ERBB4: variants seen among roughly 807,000 people sequenced by gnomAD.
ERBB4 encodes erb-b2 receptor tyrosine kinase 4, also known as receptor tyrosine-protein kinase erbB-4.
Under a neutral mutation model 158.0 loss-of-function variants are expected in ERBB4, and 42 were observed. That is an observed-to-expected ratio of 0.27 (90% CI 0.21 to 0.34). ERBB4 has a LOEUF of 0.34. ERBB4 is among the 10% of genes least tolerant of loss of function. The probability of loss-of-function intolerance (pLI) is 1.00; values close to 1 mark genes in which losing one functional copy is unlikely to be tolerated. For missense variants in ERBB4, 1,333 were observed against 1,624.1 expected (o/e 0.82, Z 3.08); for synonymous variants, 583 against 558.7 (o/e 1.04, Z -0.61).
intron 1 of ERBB4, among the ~76,000 whole-genome samples, chr2:212,502,752 C>T (rs1690963164): frequency 6.6e-6 from 1 of 152,138 alleles, no homozygotes; most frequent in Non-Finnish European, 1.5e-5. Context: ...AAACTTTCCA[C>T]ATGCCACCTT....
intron 2 of ERBB4, among the ~76,000 whole-genome samples, chr2:211,965,193 C>T (rs1381279869): frequency 6.6e-6 from 1 of 152,146 alleles, no homozygotes; most frequent in Non-Finnish European, 1.5e-5. Context: ...GAGCTTTGTG[C>T]TTCAAGGGTA....
intron 3 of ERBB4, among the ~76,000 whole-genome samples, chr2:211,801,828 A>T (rs1280813015): frequency 6.6e-6 from 1 of 152,200 alleles, no homozygotes; most frequent in Non-Finnish European, 1.5e-5. Flanking sequence ...TTATTTTTGT[A>T]GGGCATGTGT....
chr2:211,678,901 A>G (rs1053085136), intron 13 of ERBB4, 151 bp downstream of exon 13: 3 of 654,006 alleles, frequency 4.6e-6, no homozygotes, highest in Non-Finnish European at 7.2e-6. Context: ...CAGGAGGCGG[A>G]GCTTGCAGTG....
At chr2:212,027,147 G>A (rs2076791904) in intron 2 of ERBB4, among the ~76,000 whole-genome samples, 1 of 151,960 alleles carries the variant, frequency 6.6e-6, no homozygotes, top group Admixed American at 6.6e-5. Flanking sequence ...TATTTAATAT[G>A]CTAAGCCTCA....
At chr2:212,189,028 C>A (rs1004735165) in intron 1 of ERBB4, among the ~76,000 whole-genome samples, 3 of 141,262 alleles carry the variant, frequency 2.1e-5, no homozygotes, top group Non-Finnish European at 4.5e-5. Flanking sequence ...GGTTGAGTAT[C>A]TCTTATCCAA....
At chr2:212,003,152 A>AAGGAAGGAAGGAAGGAAG (rs1559292454) in intron 2 of ERBB4, among the ~76,000 whole-genome samples, 3 of 23,042 alleles carry the variant, frequency 1.3e-4, no homozygotes, top group Non-Finnish European at 2.9e-4. Flanking sequence ...AAGGAAGGAA[A>AAGGAAGGAAGGAAGGAAG]GAAAGAAAGA....
chr2:211,433,153 G>A (rs557660869), intron 20 of ERBB4, among the ~76,000 whole-genome samples: 136 of 152,292 alleles, frequency 8.9e-4, no homozygotes, highest in Non-Finnish European at 1.6e-3. Flanking sequence ...ATGTATGAGG[G>A]ACAGTGGTGA....
rs1045214563 is a variant in ERBB4, at chr2:211,683,173, G to A, written c.1490-3989C>T. On this transcript the variant is annotated intron_variant, in intron 12 of 27. Coordinates refer to ENST00000342788, the MANE Select transcript of ERBB4 (RefSeq NM_005235.3). Reference sequence around the variant, plus strand: ...GTAAGTAATGATACAGAGAGATACCGTGTTATAGATACCCAGTTTTATCTC... The same window carrying A: ...GTAAGTAATGATACAGAGAGATACCATGTTATAGATACCCAGTTTTATCTC... 2.5e-4 allele frequency among the ~76,000 whole-genome samples: 38 copies of A among 151,898 alleles called. 1 individual carries two copies. Among genetic ancestry groups the A allele is most frequent in the Non-Finnish European group, 4.4e-4 (30 of 67,906 alleles).
chr2:211,763,976 T>C (rs923819258), intron 4 of ERBB4, among the ~76,000 whole-genome samples: 25 of 152,106 alleles, frequency 1.6e-4, no homozygotes, highest in African/African-American at 6.0e-4. Context: ...AATAGGCACA[T>C]TTCTAAAATG....
At chr2:212,217,190 A>T (rs1364365007) in intron 1 of ERBB4, among the ~76,000 whole-genome samples, 1 of 151,370 alleles carries the variant, frequency 6.6e-6, no homozygotes, top group Non-Finnish European at 1.5e-5. Flanking sequence ...TACTTGCTCT[A>T]TTTTGCAGCA....
chr2:211,628,164 CTTT>C (rs11313575), intron 17 of ERBB4, among the ~76,000 whole-genome samples: 1 of 150,094 alleles, frequency 6.7e-6, no homozygotes, highest in South Asian at 2.1e-4. Context: ...CTGAGATATT[CTTT>C]TTTTTTTTTA....
chr2:211,698,314 G>GAA lies in ERBB4; in HGVS notation c.1489+3651_1489+3652dup, dbSNP rs780824731. Among the ~76,000 whole-genome samples the GAA allele has an allele frequency of 2.6e-3, 232 of 87,962 alleles. 1 individual carries two copies. The highest frequency in any genetic ancestry group is 3.7e-3 in the Non-Finnish European group (169 of 46,032). The allele number at this position is 87,962 out of a possible 152,430, so 57.7% of individuals were successfully genotyped here. A position where few individuals can be genotyped will look rare whatever the true frequency, so the allele number is the denominator to read the frequency against. Reference sequence around the variant, plus strand: ...GAAACAAGAGTGAGACTCCGTCTCAGAAAAAAAAAAAAAAAAAAAGGGGAA... The same window carrying GAA: ...GAAACAAGAGTGAGACTCCGTCTCAGAAAAAAAAAAAAAAAAAAAAAGGGGAA... On this transcript the variant is annotated intron_variant, in intron 12 of 27. Coordinates refer to ENST00000342788, the MANE Select transcript of ERBB4 (RefSeq NM_005235.3).
At chr2:212,332,134 G>T (rs2088206794) in intron 1 of ERBB4, among the ~76,000 whole-genome samples, 1 of 152,002 alleles carries the variant, frequency 6.6e-6, no homozygotes, top group Non-Finnish European at 1.5e-5. Context: ...ATGAGGTACT[G>T]GGAAGGACCC....
intron 7 of ERBB4, among the ~76,000 whole-genome samples, chr2:211,714,426 C>G (rs890574106): frequency 6.6e-6 from 1 of 152,182 alleles, no homozygotes; most frequent in African/African-American, 2.4e-5. Context: ...GGAATGCTTA[C>G]AGCCTTGAGG....
At chr2:212,025,299 A>G (rs2076748313) in intron 2 of ERBB4, among the ~76,000 whole-genome samples, 1 of 151,844 alleles carries the variant, frequency 6.6e-6, no homozygotes, top group Non-Finnish European at 1.5e-5. Flanking sequence ...CCCTATTTGC[A>G]GCCCACTACC....
At chr2:211,478,544 C>T (rs1473579821) in intron 20 of ERBB4, among the ~76,000 whole-genome samples, 1 of 152,114 alleles carries the variant, frequency 6.6e-6, no homozygotes, top group Non-Finnish European at 1.5e-5. Flanking sequence ...CCTTCTTCTT[C>T]CCACTTCATT....
intron 20 of ERBB4, among the ~76,000 whole-genome samples, chr2:211,434,366 G>A (rs778400779): frequency 1.8e-4 from 28 of 152,196 alleles, no homozygotes; most frequent in African/African-American, 5.3e-4. Flanking sequence ...AGAATACAAC[G>A]TCATGAATGA....
chr2:211,568,354 A>G (rs1243471184), intron 19 of ERBB4, among the ~76,000 whole-genome samples: 1 of 152,136 alleles, frequency 6.6e-6, no homozygotes, highest in African/African-American at 2.4e-5. Context: ...GCCACATATT[A>G]TCTATATCTC....
chr2:212,533,454 G>A (rs1311931655), intron 1 of ERBB4, among the ~76,000 whole-genome samples: 2 of 152,184 alleles, frequency 1.3e-5, no homozygotes, highest in East Asian at 1.9e-4. Flanking sequence ...CTCGAGAACT[G>A]TCTCTGCAAG....
Sources: allele counts gnomAD v4.1 joint callset (sites outside exome capture counted in the v4.1 genomes callset), GRCh38; gene constraint gnomAD v4.1.1; transcripts MANE v1.5; gene names NCBI Gene and HGNC (gene_info 2026-07-23, HGNC 2026-07-21).